The following SLC44A5 variants were observed in gnomAD, a reference collection of about 807,000 sequenced individuals.
SLC44A5 encodes the protein choline transporter-like protein 5.
Under a neutral mutation model 101.8 loss-of-function variants are expected in SLC44A5, and 57 were observed. The ratio of observed to expected loss-of-function variants is 0.56; its 90% confidence interval spans 0.45 to 0.70. The LOEUF (loss-of-function observed/expected upper bound fraction) is 0.70. Among genes scored for constraint, SLC44A5 ranks in the 30% least tolerant of loss-of-function variants. The pLI is 0.00. For synonymous variants in SLC44A5, 281 were observed against 290.9 expected (o/e 0.97, Z 0.35); for missense variants, 737 against 853.1 (o/e 0.86, Z 1.70).
At chr1:75,385,889 C>T (rs186222195) in intron 3 of SLC44A5, among the ~76,000 whole-genome samples, 2,934 of 152,144 alleles carry the variant, frequency 0.019, 47 homozygotes, top group Admixed American at 0.029. Context: ...CCCTGGGATG[C>T]AAGGCTGGTT....
the SLC44A5 span, among the ~76,000 whole-genome samples, chr1:75,709,375 A>T: frequency 1.3e-5 from 2 of 152,222 alleles, no homozygotes; most frequent in Non-Finnish European, 2.9e-5. Context: ...ATTATTACAT[A>T]CTGATACTCA....
chr1:75,464,417 G>A (rs1011755492), intron 2 of SLC44A5, among the ~76,000 whole-genome samples: 9 of 141,940 alleles, frequency 6.3e-5, no homozygotes, highest in Middle Eastern at 3.4e-3. Context: ...AACATACAAT[G>A]GATACACAAA....
At chr1:75,651,402 C>T in the SLC44A5 span, among the ~76,000 whole-genome samples, 2 of 152,108 alleles carry the variant, frequency 1.3e-5, no homozygotes, top group African/African-American at 2.4e-5. Context: ...TTCTCACCCA[C>T]GAGTCCATTG....
At chr1:75,586,527 T>C (rs1674008760) in intron 1 of SLC44A5, among the ~76,000 whole-genome samples, 1 of 117,184 alleles carries the variant, frequency 8.5e-6, no homozygotes, top group Non-Finnish European at 1.9e-5. Context: ...ATATTTTAGA[T>C]GTCTGGAGTT....
At chr1:75,601,462 C>A (rs897649730) in intron 1 of SLC44A5, among the ~76,000 whole-genome samples, 2 of 151,966 alleles carry the variant, frequency 1.3e-5, no homozygotes, top group African/African-American at 4.8e-5. Context: ...CAGTAAACCA[C>A]TATGGCATGT....
the SLC44A5 span, among the ~76,000 whole-genome samples, chr1:75,691,101 G>A: frequency 6.6e-6 from 1 of 151,870 alleles, no homozygotes; most frequent in African/African-American, 2.4e-5. Context: ...TTCGCTTTCA[G>A]TAAATCTGCA....
At chr1:75,499,052 G>C (rs1240028697) in intron 2 of SLC44A5, among the ~76,000 whole-genome samples, 1 of 152,178 alleles carries the variant, frequency 6.6e-6, no homozygotes, top group Non-Finnish European at 1.5e-5. Context: ...GTTAGCTGCA[G>C]TATTCAAAAC....
intron 3 of SLC44A5, among the ~76,000 whole-genome samples, chr1:75,363,808 T>A (rs1439277150): frequency 1.3e-5 from 2 of 152,196 alleles, no homozygotes; most frequent in African/African-American, 2.4e-5. Flanking sequence ...TAGCAGTCTT[T>A]CATATTAGCT....
At chr1:75,277,040 G>A (rs574158512) in intron 5 of SLC44A5, among the ~76,000 whole-genome samples, 2 of 152,050 alleles carry the variant, frequency 1.3e-5, no homozygotes, top group African/African-American at 2.4e-5. Context: ...ATTAAGTAAA[G>A]GATTTACTAA....
At chr1:75,406,776 G>A (rs1662900630) in intron 2 of SLC44A5, among the ~76,000 whole-genome samples, 1 of 152,262 alleles carries the variant, frequency 6.6e-6, no homozygotes, top group Non-Finnish European at 1.5e-5. Flanking sequence ...AAAGCTGGAA[G>A]CATTCCCTTT....
intron 2 of SLC44A5, among the ~76,000 whole-genome samples, chr1:75,500,395 C>G (rs1035038844): frequency 6.6e-6 from 1 of 152,044 alleles, no homozygotes; most frequent in African/African-American, 2.4e-5. Flanking sequence ...AAACTATTGC[C>G]TGCAAAAACT....
chr1:75,404,774 A>G (rs1570161801), intron 2 of SLC44A5, among the ~76,000 whole-genome samples: 1 of 152,246 alleles, frequency 6.6e-6, no homozygotes, highest in East Asian at 1.9e-4. Context: ...GACATTATGA[A>G]GACACTACAT....
chr1:75,633,820 C>T, the SLC44A5 span, among the ~76,000 whole-genome samples: 1 of 152,118 alleles, frequency 6.6e-6, no homozygotes, highest in African/African-American at 2.4e-5. Context: ...GGAATGCTTC[C>T]AGTCTTTGCC....
At chr1:75,480,769 G>A (rs552600869) in intron 2 of SLC44A5, among the ~76,000 whole-genome samples, 57 of 152,242 alleles carry the variant, frequency 3.7e-4, no homozygotes, top group African/African-American at 1.2e-3. Flanking sequence ...CAAACAAATG[G>A]AAGAACATTC....
At chr1:75,681,366 C>T in the SLC44A5 span, among the ~76,000 whole-genome samples, 1 of 152,034 alleles carries the variant, frequency 6.6e-6, no homozygotes, top group Non-Finnish European at 1.5e-5. Context: ...CAATAAAATA[C>T]TGGCAAACCG....
At chr1:75,261,897 T>C (rs925250685) in intron 6 of SLC44A5, among the ~76,000 whole-genome samples, 1 of 152,076 alleles carries the variant, frequency 6.6e-6, no homozygotes, top group Non-Finnish European at 1.5e-5. Context: ...AAAAACCACA[T>C]GATTATCTCA....
At chr1:75,706,844 T>A in the SLC44A5 span, among the ~76,000 whole-genome samples, 1 of 152,164 alleles carries the variant, frequency 6.6e-6, no homozygotes, top group Non-Finnish European at 1.5e-5. Flanking sequence ...TACTGTAGTG[T>A]CCACAGCAGC....
intron 1 of SLC44A5, among the ~76,000 whole-genome samples, chr1:75,549,724 A>G (rs1671836144): frequency 6.6e-6 from 1 of 152,176 alleles, no homozygotes. Context: ...ACACAGAATT[A>G]CCCAGTTTAG....
At chr1:75,282,725 G>T (rs655303) in intron 5 of SLC44A5, among the ~76,000 whole-genome samples, 4 of 152,078 alleles carry the variant, frequency 2.6e-5, no homozygotes, top group South Asian at 2.1e-4. Context: ...GGTTTTATAA[G>T]GGGCTTTTCC....
Sources: allele counts gnomAD v4.1 joint callset (sites outside exome capture counted in the v4.1 genomes callset), GRCh38; gene constraint gnomAD v4.1.1; transcripts MANE v1.5; gene names NCBI Gene and HGNC (gene_info 2026-07-23, HGNC 2026-07-21).